AFF3: variants seen among roughly 807,000 people sequenced by gnomAD.
AFF3 encodes the protein AF4/FMR2 family member 3.
AFF3 carries 32 observed loss-of-function variants against 129.7 expected under a neutral mutation model. That is an observed-to-expected ratio of 0.25 (90% CI 0.19 to 0.33). AFF3 has a LOEUF of 0.33. Ranked by LOEUF, AFF3 falls within the 10% of genes least tolerant of loss-of-function variation. AFF3 has a pLI of 1.00. For synonymous variants in AFF3, 644 were observed against 635.4 expected (o/e 1.01, Z -0.20); for missense variants, 1,373 against 1,592.0 (o/e 0.86, Z 2.34).
chr2:99,773,184 A>G (rs1472498343), intron 8 of AFF3, among the ~76,000 whole-genome samples: 1 of 152,188 alleles, frequency 6.6e-6, no homozygotes, highest in Non-Finnish European at 1.5e-5. Context: ...CTACAGTGTT[A>G]ATAGTTTATA....
At chr2:100,011,704 C>T (rs1056134706) in intron 4 of AFF3, 4 of 684,756 alleles carry the variant, frequency 5.8e-6, no homozygotes, top group Non-Finnish European at 1.1e-5. Flanking sequence ...CCCGGAGGGT[C>T]AGAACGGGAG....
chr2:99,685,255 T>C (rs944109592), intron 11 of AFF3, among the ~76,000 whole-genome samples: 5 of 152,190 alleles, frequency 3.3e-5, no homozygotes, highest in African/African-American at 1.2e-4. Flanking sequence ...TTTTTAAAAA[T>C]AGAGTTGAAA....
At chr2:100,061,512 T>C (rs1687268135) in intron 4 of AFF3, among the ~76,000 whole-genome samples, 4 of 152,080 alleles carry the variant, frequency 2.6e-5, no homozygotes, top group Admixed American at 2.6e-4. Flanking sequence ...TCCATTCCAT[T>C]CTAGATGATG....
In AFF3 at chr2:100,002,004, C is replaced by T. The variant is rs146305343; in HGVS notation, c.873+4628G>A. On this transcript the variant is annotated intron_variant, in intron 7 of 24. Coordinates refer to ENST00000672756, the MANE Select transcript of AFF3 (RefSeq NM_001386135.1). ...AACCATCCGTGCTGTTGCTATGCCACGCTGTCCTGAGGGACGTGGCCTCCG... is the reference window on the plus strand; with the variant it reads ...AACCATCCGTGCTGTTGCTATGCCATGCTGTCCTGAGGGACGTGGCCTCCG... Among the ~76,000 whole-genome samples the T allele has an allele frequency of 1.5e-3, 224 of 152,314 alleles. 2 individuals carry two copies. The highest frequency in any genetic ancestry group is 2.3e-3 in the Non-Finnish European group (158 of 68,032).
At position 99,585,427 on chromosome 2, in the gene AFF3, A is replaced by T. The variant is rs552154052; in HGVS notation, c.2591+1727T>A. Among the ~76,000 whole-genome samples, 3 of 152,322 alleles carry T rather than the reference A, an allele frequency of 2.0e-5. No homozygotes were observed. The South Asian group carries it at 6.2e-4, about 32-fold the overall frequency. ...TAATCACAATTCCAGAGGTACACAG[A>T]CCACCTTTCTCAGAATGTACTCTAA... On this transcript the variant is annotated intron_variant, in intron 16 of 24. Transcript: ENST00000672756.
intron 4 of AFF3, among the ~76,000 whole-genome samples, chr2:100,082,191 C>T (rs1328956785): frequency 1.3e-5 from 2 of 151,998 alleles, no homozygotes; most frequent in Non-Finnish European, 2.9e-5. Flanking sequence ...AAAAATGTCC[C>T]GTAAGTAAAC....
At chr2:100,090,576 T>C (rs906068831) in intron 4 of AFF3, among the ~76,000 whole-genome samples, 8 of 152,226 alleles carry the variant, frequency 5.3e-5, no homozygotes, top group African/African-American at 1.4e-4. Context: ...CAATATACTA[T>C]TCATTCTGAG....
intron 11 of AFF3, among the ~76,000 whole-genome samples, chr2:99,698,770 C>T (rs1676550294): frequency 6.6e-6 from 1 of 152,096 alleles, no homozygotes; most frequent in African/African-American, 2.4e-5. Flanking sequence ...TTAGAGAAAC[C>T]TTGTATTTTT....
chr2:99,754,562 G>A lies in AFF3; in HGVS notation c.922-2261C>T, dbSNP rs150737221. Among the ~76,000 whole-genome samples the A allele has an allele frequency of 7.7e-3, 1,178 of 152,196 alleles. 11 individuals are homozygous for A. Among genetic ancestry groups the A allele is most frequent in the African/African-American group, 0.027 (1,117 of 41,514 alleles). On this transcript the variant is annotated intron_variant, in intron 8 of 24. Transcript: ENST00000672756. ...CAAAAAGATAAACTATTATTTCAGC[G>A]TGTCCTCCAGCAACTCAAGAATAAA...
chr2:100,141,202 T>A (rs1692855362), intron 1 of AFF3, among the ~76,000 whole-genome samples: 1 of 152,258 alleles, frequency 6.6e-6, no homozygotes, highest in Non-Finnish European at 1.5e-5. Context: ...AGTGGGAATT[T>A]AAACCTTGAA....
intron 11 of AFF3, among the ~76,000 whole-genome samples, chr2:99,723,375 A>G (rs924889151): frequency 6.6e-6 from 1 of 152,030 alleles, no homozygotes; most frequent in African/African-American, 2.4e-5. Flanking sequence ...CTGTTTGGAG[A>G]CTCCCAACCT....
intron 7 of AFF3, among the ~76,000 whole-genome samples, chr2:99,984,996 A>G (rs1679739042): frequency 4.6e-5 from 7 of 152,118 alleles, no homozygotes; most frequent in Admixed American, 4.6e-4. Context: ...AGGCAACTTC[A>G]CATCAGGAGG....
intron 11 of AFF3, among the ~76,000 whole-genome samples, chr2:99,688,709 T>G (rs574486642): frequency 6.6e-6 from 1 of 152,148 alleles, no homozygotes; most frequent in Non-Finnish European, 1.5e-5. Flanking sequence ...AGGTCTCTCA[T>G]GTCCTCATCC....
intron 4 of AFF3, among the ~76,000 whole-genome samples, chr2:100,043,874 C>G (rs1685623730): frequency 6.6e-6 from 1 of 152,120 alleles, no homozygotes; most frequent in African/African-American, 2.4e-5. Flanking sequence ...TTAAGAAAGC[C>G]AGGACTTCAT....
intron 2 of AFF3, chr2:100,107,365 T>C (rs1452391806): frequency 6.1e-6 from 6 of 985,288 alleles, no homozygotes. Flanking sequence ...AAGCACTTAA[T>C]CTAGTTGTCA....
rs1681074553 is a variant in AFF3, at chr2:99,745,435, T to G, written c.1003-1295A>C. Among the ~76,000 whole-genome samples the G allele has an allele frequency of 2.6e-5, 4 of 152,236 alleles. No individual in the cohort carries two copies. In the South Asian group the frequency reaches 8.3e-4, roughly 31 times the overall value. ...GTTTACCTAATTTTTCTTTTGTTGCTCATGCTTTTGGTGTCATCGCTAAGA... is the reference window on the plus strand; with the variant it reads ...GTTTACCTAATTTTTCTTTTGTTGCGCATGCTTTTGGTGTCATCGCTAAGA... On this transcript the variant is annotated intron_variant, in intron 9 of 24. Transcript: ENST00000672756.
chr2:99,649,794 C>T (rs970488366), intron 12 of AFF3, 128 bp from the exon 13 acceptor site: 6 of 930,274 alleles, frequency 6.4e-6, no homozygotes, highest in African/African-American at 1.7e-5. Context: ...TTTTAAACGA[C>T]TAGCAATGAA....
rs75711519 is a variant in AFF3 at position 99,950,748 on chromosome 2, T to C, written c.873+55884A>G. On this transcript the variant is annotated intron_variant, in intron 7 of 24. Transcript: ENST00000672756. ...CTATACATAATTACAATCAGACTCA[T>C]ATCAATATGTGAATTTTAAACTGTG... is the stretch of plus-strand genomic sequence containing the variant. Among the ~76,000 whole-genome samples, 19 of 152,360 alleles carry C rather than the reference T, an allele frequency of 1.2e-4. No individual in the cohort carries two copies. The East Asian group carries it at 3.7e-3, about 29-fold the overall frequency.
intron 10 of AFF3, among the ~76,000 whole-genome samples, chr2:99,727,755 T>C (rs981484248): frequency 3.0e-4 from 46 of 152,060 alleles, no homozygotes; most frequent in African/African-American, 1.0e-3. Context: ...AGAGACAGGG[T>C]TTCACCATGT....
Sources: allele counts gnomAD v4.1 joint callset (sites outside exome capture counted in the v4.1 genomes callset), GRCh38; gene constraint gnomAD v4.1.1; transcripts MANE v1.5; gene names NCBI Gene and HGNC (gene_info 2026-07-23, HGNC 2026-07-21).